The following LYN variants were observed in gnomAD, a reference collection of about 807,000 sequenced individuals.
The protein encoded by LYN is tyrosine-protein kinase Lyn.
Under a neutral mutation model 65.0 loss-of-function variants are expected in LYN, and 12 were observed. The observed-to-expected ratio is 0.18, with a 90% CI of 0.12 to 0.30. The LOEUF is 0.30. LYN is among the 10% of genes least tolerant of loss of function. LYN has a pLI of 1.00. For synonymous variants in LYN, 222 were observed against 221.2 expected, an observed-to-expected ratio of 1.00 and a Z score of -0.03; for missense variants, 380 against 623.2, an observed-to-expected ratio of 0.61 and a Z score of 4.16.
intron 8 of LYN, among the ~76,000 whole-genome samples, chr8:55,957,196 T>G (rs946183047): frequency 6.6e-6 from 1 of 151,916 alleles, no homozygotes; most frequent in Non-Finnish European, 1.5e-5. Flanking sequence ...AATCTTCAGT[T>G]GTTCAAAGGA....
At position 56,011,712 on chromosome 8, in the gene LYN, T is replaced by G. The variant is rs1307463675; in HGVS notation, c.*1602T>G. 5.2e-6 allele frequency: 1 copy of G among 191,654 alleles called. No homozygotes were observed. The highest frequency in any genetic ancestry group is 1.1e-5 in the Non-Finnish European group (1 of 91,696). The allele number at this position is 191,654 out of a possible 1,614,324, so 11.9% of individuals were successfully genotyped here. A position where few individuals can be genotyped will look rare whatever the true frequency, so the allele number is the denominator to read the frequency against. On this transcript the variant is annotated 3_prime_UTR_variant, in exon 13 of 13. Transcript: ENST00000519728. Reference sequence around the variant, plus strand: ...TCTACTTTTTTCTAAATTTTAACTTTGTTTCCTATGTGATTTTTTTAAATG... The same window carrying G: ...TCTACTTTTTTCTAAATTTTAACTTGGTTTCCTATGTGATTTTTTTAAATG...
chr8:55,940,955 C>T (rs1334593478), intron 1 of LYN, among the ~76,000 whole-genome samples: 1 of 152,156 alleles, frequency 6.6e-6, no homozygotes, highest in Non-Finnish European at 1.5e-5. Context: ...CGCTAGTACT[C>T]CTGGTTTCCT....
intron 1 of LYN, among the ~76,000 whole-genome samples, chr8:55,913,107 C>T (rs1805687626): frequency 6.6e-6 from 1 of 152,140 alleles, no homozygotes; most frequent in African/African-American, 2.4e-5. Flanking sequence ...ATAAACTGGC[C>T]TCATATCCAA....
chr8:55,939,709 G>A (rs1417978637), intron 1 of LYN, among the ~76,000 whole-genome samples: 4 of 152,160 alleles, frequency 2.6e-5, no homozygotes, highest in African/African-American at 7.2e-5. Flanking sequence ...TGCTATTAAC[G>A]TATTTGCCCA....
chr8:55,962,052 G>T (rs1214469336), intron 8 of LYN, among the ~76,000 whole-genome samples: 1 of 152,206 alleles, frequency 6.6e-6, no homozygotes, highest in East Asian at 1.9e-4. Context: ...TACCAAATGT[G>T]CTCTTTTACG....
At position 55,911,102 on chromosome 8, in the gene LYN, T is replaced by TATATATACGTATATATATAC. The variant is rs373111685; in HGVS notation, c.-5-30752_-5-30751insTATATACGTATATATATACA. On this transcript the variant is annotated intron_variant, in intron 1 of 12. Transcript: ENST00000519728. ...ACATACATATATATATATATATACA[T>TATATATACGTATATATATAC]ACACGTATATATACGTATATATATA... 3.1e-4 allele frequency among the ~76,000 whole-genome samples: 9 copies of TATATATACGTATATATATAC among 28,850 alleles called. 2 individuals carry two copies. The highest frequency in any genetic ancestry group is 1.9e-4 in the Non-Finnish European group (3 of 15,870). The allele number at this position is 28,850 out of a possible 152,430, so 18.9% of individuals were successfully genotyped here.
At chr8:55,951,510 A>T (rs145587944) in intron 6 of LYN, among the ~76,000 whole-genome samples, 54 of 152,206 alleles carry the variant, frequency 3.5e-4, no homozygotes, top group Middle Eastern at 3.4e-3. Flanking sequence ...ATAAGAAATT[A>T]AAAAATTAGC....
At chr8:55,934,140 C>T (rs891257225) in intron 1 of LYN, among the ~76,000 whole-genome samples, 1 of 152,108 alleles carries the variant, frequency 6.6e-6, no homozygotes, top group Non-Finnish European at 1.5e-5. Flanking sequence ...GCAGGAGAAT[C>T]GCTTGAACCC....
At chr8:55,947,823 G>C in intron 4 of LYN, 100 bp downstream of exon 4, 5 of 814,646 alleles carry the variant, frequency 6.1e-6, no homozygotes, top group Non-Finnish European at 1.0e-5. Context: ...GCCATAGCCC[G>C]GCCCCTTTCT....
chr8:55,942,078 G>T, intron 2 of LYN, 87 bp downstream of exon 2: 1 of 1,383,936 alleles, frequency 7.2e-7, no homozygotes, highest in East Asian at 2.4e-5. Flanking sequence ...ATATGTGCAT[G>T]CAAAAAAATT....
At chr8:55,970,813 C>T (rs570022559) in intron 10 of LYN, among the ~76,000 whole-genome samples, 1 of 152,190 alleles carries the variant, frequency 6.6e-6, no homozygotes, top group Non-Finnish European at 1.5e-5. Flanking sequence ...CTCTGCCACT[C>T]GATAGCTATA....
intron 12 of LYN, among the ~76,000 whole-genome samples, chr8:56,005,903 G>C (rs1808659132): frequency 6.6e-6 from 1 of 152,122 alleles, no homozygotes; most frequent in African/African-American, 2.4e-5. Flanking sequence ...GGGCAACATA[G>C]CAAAACCCTG....
At chr8:55,905,414 AAAAAGAAAG>A (rs150676930) in intron 1 of LYN, among the ~76,000 whole-genome samples, 128,645 of 151,284 alleles carry the variant, frequency 0.85, 54,904 homozygotes, top group East Asian at 0.98. Flanking sequence ...CGTCTCAAAA[AAAAAGAAAG>A]AAAGAAAGAA....
intron 12 of LYN, among the ~76,000 whole-genome samples, chr8:56,008,129 TA>T (rs1175392174): frequency 1.6e-5 from 2 of 122,548 alleles, no homozygotes; most frequent in African/African-American, 3.6e-5. Context: ...AAAAAAAAAA[TA>T]AAATAAAATA....
intron 8 of LYN, among the ~76,000 whole-genome samples, chr8:55,963,812 T>C (rs1156509522): frequency 6.6e-6 from 1 of 152,262 alleles, no homozygotes; most frequent in African/African-American, 2.4e-5. Context: ...CTTGCAGTTA[T>C]ATGTATCATA....
At chr8:55,951,621 T>C (rs557470510) in intron 6 of LYN, among the ~76,000 whole-genome samples, 2 of 151,066 alleles carry the variant, frequency 1.3e-5, no homozygotes, top group South Asian at 4.2e-4. Flanking sequence ...GCTATGATTG[T>C]GCCACTCTAC....
intron 1 of LYN, among the ~76,000 whole-genome samples, chr8:55,920,967 G>A (rs1017171716): frequency 6.6e-6 from 1 of 152,130 alleles, no homozygotes. Flanking sequence ...AAAGTGCTGG[G>A]ATTACAGGCG....
At chr8:55,983,650 C>T (rs1036887843) in intron 10 of LYN, among the ~76,000 whole-genome samples, 3 of 152,058 alleles carry the variant, frequency 2.0e-5, no homozygotes, top group Non-Finnish European at 4.4e-5. Flanking sequence ...TAGCTGCCCA[C>T]CAGCAGGGTC....
chr8:55,997,966 C>T (rs1439793807), intron 10 of LYN, among the ~76,000 whole-genome samples: 3 of 152,156 alleles, frequency 2.0e-5, no homozygotes, highest in Non-Finnish European at 4.4e-5. Context: ...TGCCTGTAGT[C>T]CCAGCTACTC....
Sources: allele counts gnomAD v4.1 joint callset (sites outside exome capture counted in the v4.1 genomes callset), GRCh38; gene constraint gnomAD v4.1.1; transcripts MANE v1.5; gene names NCBI Gene and HGNC (gene_info 2026-07-23, HGNC 2026-07-21).